UPK3B: variants seen among roughly 807,000 people sequenced by gnomAD.
The protein encoded by UPK3B is uroplakin 3B, also known as uroplakin-3b.
In UPK3B, 21 loss-of-function variants were observed where a neutral mutation model predicts 27.6. That is an observed-to-expected ratio of 0.76 (90% CI 0.54 to 1.10). The LOEUF is 1.10. Among genes scored for constraint, UPK3B ranks in the 50% least tolerant of loss-of-function variants. The pLI, the probability that UPK3B is intolerant of heterozygous loss-of-function variation, is 0.00. For missense variants in UPK3B, 306 were observed against 376.1 expected (o/e 0.81, Z 1.54); for synonymous variants, 141 against 162.3 (o/e 0.87, Z 1.00).
chr7:76,511,507 G>C, intron 2 of UPK3B, 150 bp from the exon 3 acceptor site: 1 of 778,032 alleles, frequency 1.3e-6, no homozygotes, highest in East Asian at 2.7e-5. Flanking sequence ...GGGTAACAAA[G>C]TCGACTGGGT....
chr7:76,513,138 G>T lies in UPK3B; in HGVS notation c.516G>T (p.Trp172Cys), dbSNP rs768305962. The T allele has an allele frequency of 1.9e-6, 3 of 1,613,850 alleles. No individual in the cohort carries two copies. The East Asian group carries it at 6.7e-5, about 36-fold the overall frequency. Residue 172 changes from tryptophan to cysteine, a missense_variant, in exon 4 of 6, where the codon TGG (tryptophan) becomes TGT (cysteine). Around this residue, in one of 4 missense-constraint regions of UPK3B, gnomAD observed 174 missense variants for 166.6 expected, o/e 1.04. Coordinates refer to ENST00000334348, the MANE Select transcript of UPK3B (RefSeq NM_001347684.2). Reference protein sequence around the residue: ...TRGSPRAETKWSDPITLHQGK... With the variant: ...TRGSPRAETKCSDPITLHQGK... ...GCTCACCCAGGGCTGAGACCAAGTG[G>T]TCAGACCCCATCACTCTCCACCAAG...
At chr7:76,513,292 G>C in intron 4 of UPK3B, 129 bp downstream of exon 4, 1 of 861,924 alleles carries the variant, frequency 1.2e-6, no homozygotes, top group Non-Finnish European at 1.8e-6. Flanking sequence ...GTCGGGCCCA[G>C]CCCCCAACAG....
intron 4 of UPK3B, 92 bp downstream of exon 4, chr7:76,513,255 G>A: frequency 2.4e-6 from 3 of 1,245,118 alleles, no homozygotes; most frequent in Admixed American, 4.1e-5. Context: ...GCTCCCACAG[G>A]GCTGGGGGCC....
Position 76,513,300 on chromosome 7 carries a change from C to A in UPK3B, c.541+137C>A, listed in dbSNP as rs559062101. Reference sequence around the variant, plus strand: ...TGTCCAAGTCGGGCCCAGCCCCCAACAGAACCTCATGCTGGGGGAGTGGGG... The same window carrying A: ...TGTCCAAGTCGGGCCCAGCCCCCAAAAGAACCTCATGCTGGGGGAGTGGGG... On this transcript the variant is annotated intron_variant, in intron 4 of 5. Coordinates refer to ENST00000334348, the MANE Select transcript of UPK3B (RefSeq NM_001347684.2). 43 of 810,002 alleles carry A rather than the reference C, an allele frequency of 5.3e-5. No homozygotes were observed. In the African/African-American group the frequency reaches 6.5e-4, roughly 12 times the overall value. 50.2% of individuals were successfully genotyped at this position (810,002 alleles called of 1,614,324 possible).
At chr7:76,513,241 C>G in intron 4 of UPK3B, 78 bp downstream of exon 4, 1 of 1,371,426 alleles carries the variant, frequency 7.3e-7, no homozygotes, top group South Asian at 1.2e-5. Flanking sequence ...CTGGCCACAC[C>G]CCTGCTCCCA....
intron 3 of UPK3B, among the ~76,000 whole-genome samples, chr7:76,512,604 G>A (rs1812573039): frequency 1.5e-5 from 2 of 135,674 alleles, no homozygotes; most frequent in African/African-American, 2.6e-5. Context: ...GTCCTTCCCC[G>A]CTTCCCAGGC....
Position 76,513,149 on chromosome 7 carries a change from T to C in UPK3B, c.527T>C (p.Ile176Thr). The C allele has an allele frequency of 6.2e-7, 1 of 1,613,660 alleles. No individual in the cohort carries two copies. The highest frequency in any genetic ancestry group is 8.5e-7 in the Non-Finnish European group (1 of 1,179,874). ...PRAETKWSDP[I>T]TLHQGKTPGS... ...GCTGAGACCAAGTGGTCAGACCCCA[T>C]CACTCTCCACCAAGGTAGCGCTGGG... Residue 176 changes from isoleucine (I) to threonine (T), a missense_variant, in exon 4 of 6, where the codon ATC becomes ACC. By Grantham distance (89) the Ile-to-Thr change is moderately conservative (BLOSUM62 -1). Transcript: ENST00000334348.
chr7:76,510,716 C>A lies in UPK3B; in HGVS notation c.64C>A (p.Leu22Ile), dbSNP rs573698062. Residue 22 changes from leucine to isoleucine, a missense_variant, in exon 1 of 6, where the codon CTC becomes ATC. Around this residue, in one of 4 missense-constraint regions of UPK3B, gnomAD observed 33 missense variants for 30.9 expected, o/e 1.07. Transcript: ENST00000334348. ...LQMLLLALNC[L>I]RPSLSLELVP... ...GATGCTCCTCCTGGCGTTGAACTGT[C>A]TCCGGCCCAGCCTGAGCCTGGGTGA... 1.3e-6 allele frequency: 2 copies of A among 1,518,578 alleles called. No individual in the cohort carries two copies. Among genetic ancestry groups the A allele is most frequent in the Non-Finnish European group, 1.8e-6 (2 of 1,131,782 alleles). The allele number at this position is 1,518,578 out of a possible 1,614,324, so 94.1% of individuals were successfully genotyped here. A position where few individuals can be genotyped will look rare whatever the true frequency, so the allele number is the denominator to read the frequency against.
chr7:76,513,569 G>A (rs771626411), intron 4 of UPK3B, among the ~76,000 whole-genome samples: 5 of 151,976 alleles, frequency 3.3e-5, no homozygotes, highest in Admixed American at 6.5e-5. Flanking sequence ...CAGAAGTTTC[G>A]AGTGCCACGG....
Position 76,516,272 on chromosome 7 carries a change from G to A in UPK3B, c.*1068G>A. On this transcript the variant is annotated 3_prime_UTR_variant, in exon 6 of 6. Transcript: ENST00000334348. ...CCAAGCCAGAGGGATGAGCAATCAC[G>A]CCTGAGAGCCCACTGCGTGCCATGC... The A allele has an allele frequency of 6.5e-6, 4 of 612,096 alleles. 1 individual carries two copies. Among genetic ancestry groups the A allele is most frequent in the Non-Finnish European group, 7.5e-6 (4 of 529,982 alleles). 37.9% of individuals were successfully genotyped at this position (612,096 alleles called of 1,614,324 possible).
rs1257968253 is a variant in UPK3B at position 76,513,130 on chromosome 7, ACCAAGTGGT to A, written c.510_518del (p.Lys171_Ser173del). On this transcript the variant is annotated inframe_deletion, in exon 4 of 6. Coordinates refer to ENST00000334348, the MANE Select transcript of UPK3B (RefSeq NM_001347684.2). ...CACCAGGGGCTCACCCAGGGCTGAG[ACCAAGTGGT>A]CAGACCCCATCACTCTCCACCAAGG... 1 of 1,613,722 alleles carries A rather than the reference ACCAAGTGGT, an allele frequency of 6.2e-7. No homozygotes were observed. The highest frequency in any genetic ancestry group is 8.5e-7 in the Non-Finnish European group (1 of 1,179,948).
At chr7:76,513,416 T>C (rs1200853375) in intron 4 of UPK3B, among the ~76,000 whole-genome samples, 1 of 152,042 alleles carries the variant, frequency 6.6e-6, no homozygotes, top group Non-Finnish European at 1.5e-5. Flanking sequence ...CCCCCTCCTG[T>C]AGGGAGTCAG....
At position 76,511,033 on chromosome 7, in the gene UPK3B, C is replaced by T. The variant is rs371200473; in HGVS notation, c.216C>T (p.Leu72=). 4.4e-5 allele frequency: 71 copies of T among 1,601,224 alleles called. No individual in the cohort carries two copies. The African/African-American group carries it at 7.8e-4, about 18-fold the overall frequency. ...CCAGCGCCAGCGATACCGTCTGGCT[C>T]GTGGTGGCCTTCAGCAATGGTACGG... ...GLASASDTVW[L]VVAFSNASRG... Residue 72 remains leucine, a synonymous_variant, in exon 2 of 6, where the codon CTC becomes CTT. Transcript: ENST00000334348.
chr7:76,513,165 T>C lies in UPK3B; in HGVS notation c.541+2T>C, dbSNP rs772857196. 3.7e-6 allele frequency: 6 copies of C among 1,613,124 alleles called. No individual in the cohort carries two copies. In the African/African-American group the frequency reaches 6.7e-5, roughly 18 times the overall value. On this transcript the variant is annotated splice_donor_variant, in intron 4 of 5. Coordinates refer to ENST00000334348, the MANE Select transcript of UPK3B (RefSeq NM_001347684.2). LOFTEE classifies it high-confidence loss of function. ...CAGACCCCATCACTCTCCACCAAGG[T>C]AGCGCTGGGCAGGAGGGGCGCTGCC... is the stretch of plus-strand genomic sequence containing the variant.
At chr7:76,513,626 CA>C (rs1303744482) in intron 4 of UPK3B, among the ~76,000 whole-genome samples, 2 of 151,906 alleles carry the variant, frequency 1.3e-5, no homozygotes, top group Non-Finnish European at 2.9e-5. Context: ...CTTCAGAGGT[CA>C]GGGGGTGTGG....
intron 4 of UPK3B, among the ~76,000 whole-genome samples, chr7:76,513,364 C>T (rs944091402): frequency 2.6e-5 from 4 of 152,172 alleles, no homozygotes; most frequent in Non-Finnish European, 4.4e-5. Context: ...CCATCTCGGC[C>T]CATCCGCAAG....
intron 5 of UPK3B, 86 bp downstream of exon 5, chr7:76,514,162 T>C (rs1812646723): frequency 6.3e-7 from 1 of 1,578,148 alleles, no homozygotes; most frequent in South Asian, 1.1e-5. Context: ...CCTCCAGGCA[T>C]GCCATGGGGT....
intron 3 of UPK3B, 98 bp from the exon 4 acceptor site, chr7:76,512,986 G>A: frequency 1.0e-6 from 1 of 960,008 alleles, no homozygotes; most frequent in Non-Finnish European, 1.6e-6. Flanking sequence ...CCACATCCAT[G>A]GGAGGGCCCC....
In UPK3B at chr7:76,513,278, C is replaced by A. The variant is rs1812599461; in HGVS notation, c.541+115C>A. 8 of 998,804 alleles carry A rather than the reference C, an allele frequency of 8.0e-6. No homozygotes were observed. The South Asian group carries it at 1.1e-4, about 14-fold the overall frequency. The allele number at this position is 998,804 out of a possible 1,614,324, so 61.9% of individuals were successfully genotyped here. On this transcript the variant is annotated intron_variant, in intron 4 of 5. Transcript: ENST00000334348. Reference sequence around the variant, plus strand: ...AGGGCTGGGGGCCTGGAGGCCATGTCCAAGTCGGGCCCAGCCCCCAACAGA... The same window carrying A: ...AGGGCTGGGGGCCTGGAGGCCATGTACAAGTCGGGCCCAGCCCCCAACAGA...
Sources: gnomAD v4.1 joint callset for allele counts (sites outside exome capture counted in the v4.1 genomes callset) on GRCh38, gnomAD v4.1.1 for gene constraint, gnomAD v4.1.1 regional missense constraint, MANE v1.5 for transcripts, NCBI Gene and HGNC (gene_info 2026-07-23, HGNC 2026-07-21) for gene names.